The following IMMP2L variants were observed in gnomAD, a reference collection of about 807,000 sequenced individuals.
IMMP2L encodes mitochondrial inner membrane protease subunit 2.
A neutral mutation model predicts 19.3 loss-of-function variants in IMMP2L; 18 were observed. The observed-to-expected ratio is 0.93, with a 90% CI of 0.64 to 1.38. The LOEUF is 1.38. IMMP2L is among the 40% of genes most tolerant of loss of function. IMMP2L has a pLI of 0.00. For synonymous variants in IMMP2L, 76 were observed against 73.0 expected (o/e 1.04, Z -0.21); for missense variants, 233 against 218.2 (o/e 1.07, Z -0.43).
intron 5 of IMMP2L, among the ~76,000 whole-genome samples, chr7:110,716,534 A>G (rs1277294015): frequency 6.6e-6 from 1 of 152,174 alleles, no homozygotes; most frequent in Non-Finnish European, 1.5e-5. Context: ...TCTGAAAAAG[A>G]TTTTATTTCT....
At position 111,512,607 on chromosome 7, in the gene IMMP2L, C is replaced by G. The variant is rs933390952; in HGVS notation, c.135+8706G>C. Among the ~76,000 whole-genome samples the G allele has an allele frequency of 6.6e-5, 10 of 152,020 alleles. No homozygotes were observed. The South Asian group carries it at 1.0e-3, about 16-fold the overall frequency. On this transcript the variant is annotated intron_variant, in intron 2 of 5. Transcript: ENST00000405709. ...TCATTTTTCGCAGAAATACACAACA[C>G]AATCCTAAATTCATATGGAACCACA...
rs61136714 is a variant in IMMP2L, at chr7:110,923,662, T to A, written c.306-36967A>T. On this transcript the variant is annotated intron_variant, in intron 4 of 5. Transcript: ENST00000405709. ...TTTTCATAAAATAAAATCTATCAAA[T>A]ATACTTTATACACAAATATTTTGGT... Among the ~76,000 whole-genome samples the A allele has an allele frequency of 4.2e-3, 645 of 152,326 alleles. 5 individuals carry two copies. The highest frequency in any genetic ancestry group is 0.015 in the African/African-American group (622 of 41,584).
chr7:111,058,788 C>T (rs571015007), intron 3 of IMMP2L, among the ~76,000 whole-genome samples: 12 of 152,074 alleles, frequency 7.9e-5, no homozygotes, highest in Non-Finnish European at 1.2e-4. Context: ...AATGACCCAG[C>T]CTTTACTGAC....
At chr7:110,736,742 C>T (rs759328300) in intron 5 of IMMP2L, among the ~76,000 whole-genome samples, 2 of 152,184 alleles carry the variant, frequency 1.3e-5, no homozygotes, top group Admixed American at 1.3e-4. Context: ...CCTGTCCTAC[C>T]GTTGCATTTT....
In IMMP2L at chr7:111,378,274, T is replaced by C. The variant is rs920465265; in HGVS notation, c.239+108964A>G. ...TTATTAAATGTCAACTGTATAATGTTTTCTGATATGTGGATTGTATTGGCA... is the reference window on the plus strand; with the variant it reads ...TTATTAAATGTCAACTGTATAATGTCTTCTGATATGTGGATTGTATTGGCA... On this transcript the variant is annotated intron_variant, in intron 3 of 5. Coordinates refer to ENST00000405709, the MANE Select transcript of IMMP2L (RefSeq NM_032549.4). Among the ~76,000 whole-genome samples, 4 of 152,030 alleles carry C rather than the reference T, an allele frequency of 2.6e-5. 1 individual carries two copies. The highest frequency in any genetic ancestry group is 5.9e-5 in the Non-Finnish European group (4 of 67,964).
At chr7:111,003,208 G>C (rs1823906833) in intron 3 of IMMP2L, among the ~76,000 whole-genome samples, 1 of 152,048 alleles carries the variant, frequency 6.6e-6, no homozygotes, top group African/African-American at 2.4e-5. Flanking sequence ...TAATTTGCTT[G>C]CCCTGACTTT....
At chr7:110,674,788 T>G (rs1792175407) in intron 5 of IMMP2L, among the ~76,000 whole-genome samples, 1 of 152,192 alleles carries the variant, frequency 6.6e-6, no homozygotes, top group South Asian at 2.1e-4. Flanking sequence ...TCATGATTTC[T>G]CAGTACAAGT....
Position 111,429,218 on chromosome 7 carries a change from T to C in IMMP2L, c.239+58020A>G, listed in dbSNP as rs564267168. Among the ~76,000 whole-genome samples, 5 of 152,054 alleles carry C rather than the reference T, an allele frequency of 3.3e-5. No individual in the cohort carries two copies. The South Asian group carries it at 1.0e-3, about 32-fold the overall frequency. ...GGAACTGCATGTAGGGAAATGCATG[T>C]TGATATAGGTACACACATGTGGGGC... On this transcript the variant is annotated intron_variant, in intron 3 of 5. Coordinates refer to ENST00000405709, the MANE Select transcript of IMMP2L (RefSeq NM_032549.4).
At chr7:110,968,264 T>TA (rs201296331) in intron 3 of IMMP2L, among the ~76,000 whole-genome samples, 4,701 of 144,710 alleles carry the variant, frequency 0.032, 76 homozygotes, top group Admixed American at 0.053. Flanking sequence ...ATTCATGCAT[T>TA]AAAAAAAAAA....
intron 1 of IMMP2L, among the ~76,000 whole-genome samples, chr7:111,533,997 T>C (rs1337334798): frequency 1.3e-5 from 2 of 151,982 alleles, no homozygotes; most frequent in African/African-American, 4.8e-5. Flanking sequence ...AGAAAGGTAT[T>C]TCACTGAAAC....
chr7:111,062,150 C>T (rs184089132), intron 3 of IMMP2L, among the ~76,000 whole-genome samples: 205 of 152,226 alleles, frequency 1.3e-3, no homozygotes, highest in African/African-American at 3.8e-3. Context: ...CACCTGAGAT[C>T]GGGCAATTTA....
intron 3 of IMMP2L, among the ~76,000 whole-genome samples, chr7:111,279,148 CTATTTT>C (rs1257399398): frequency 6.6e-6 from 1 of 152,078 alleles, no homozygotes; most frequent in Admixed American, 6.6e-5. Context: ...ACAGCAGAGG[CTATTTT>C]ATGGAAGTGA....
chr7:111,039,361 AAT>A (rs1490539041), intron 3 of IMMP2L, among the ~76,000 whole-genome samples: 4 of 152,230 alleles, frequency 2.6e-5, no homozygotes, highest in African/African-American at 9.6e-5. Context: ...GTTTATTTTT[AAT>A]AAAAACAGAA....
At chr7:110,714,348 C>T (rs1320116994) in intron 5 of IMMP2L, among the ~76,000 whole-genome samples, 1 of 152,072 alleles carries the variant, frequency 6.6e-6, no homozygotes, top group Admixed American at 6.6e-5. Flanking sequence ...GAGGATTTTC[C>T]ACCTTAACAT....
intron 2 of IMMP2L, among the ~76,000 whole-genome samples, chr7:111,500,106 T>G (rs951492977): frequency 6.6e-6 from 1 of 152,008 alleles, no homozygotes; most frequent in Admixed American, 6.6e-5. Context: ...ACTCCCACCC[T>G]AATACTGCGC....
At chr7:111,386,673 A>G (rs1831789538) in intron 3 of IMMP2L, among the ~76,000 whole-genome samples, 1 of 152,190 alleles carries the variant, frequency 6.6e-6, no homozygotes, top group East Asian at 1.9e-4. Flanking sequence ...CATTTAAAGA[A>G]AAAGAATAAC....
intron 3 of IMMP2L, among the ~76,000 whole-genome samples, chr7:110,964,472 C>T (rs757009706): frequency 5.3e-5 from 8 of 151,878 alleles, no homozygotes; most frequent in Non-Finnish European, 1.2e-4. Flanking sequence ...GAATTCAGAG[C>T]GCTAAAACAG....
rs145524489 is a variant in IMMP2L at position 110,855,487 on chromosome 7, G to A, written c.408+31106C>T. 1.1e-3 allele frequency among the ~76,000 whole-genome samples: 163 copies of A among 152,018 alleles called. 1 individual carries two copies. The highest frequency in any genetic ancestry group is 3.7e-3 in the African/African-American group (155 of 41,500). ...ATCTCACTTCTCAGGACTTCATTTC[G>A]TAAGACTGATATGCAGGATGTATTC... On this transcript the variant is annotated intron_variant, in intron 5 of 5. Transcript: ENST00000405709.
intron 3 of IMMP2L, among the ~76,000 whole-genome samples, chr7:111,314,689 C>T (rs1823867599): frequency 6.6e-6 from 1 of 152,084 alleles, no homozygotes; most frequent in African/African-American, 2.4e-5. Flanking sequence ...TATGCAAGTT[C>T]CCCAGCTTCT....
Sources: gnomAD v4.1 joint callset for allele counts (sites outside exome capture counted in the v4.1 genomes callset) on GRCh38, gnomAD v4.1.1 for gene constraint, MANE v1.5 for transcripts, NCBI Gene and HGNC (gene_info 2026-07-23, HGNC 2026-07-21) for gene names.